Variants in NUP155 observed in about 807,000 individuals in gnomAD.
NUP155 encodes nuclear pore complex protein Nup155.
In NUP155, 71 loss-of-function variants were observed where a neutral mutation model predicts 180.4. The ratio of observed to expected loss-of-function variants is 0.39; its 90% CI spans 0.33 to 0.48. The LOEUF is 0.48. Ranked by LOEUF, NUP155 falls within the 20% of genes least tolerant of loss-of-function variation. The pLI is 0.91. For missense variants in NUP155, 1,553 were observed against 1,648.9 expected (o/e 0.94, Z 1.01); for synonymous variants, 582 against 559.5 (o/e 1.04, Z -0.57).
chr5:37,365,752 T>TATATATATATAC lies in NUP155; in HGVS notation c.158-1369_158-1368insGTATATATATAT, dbSNP rs1403169370. 3.2e-4 allele frequency among the ~76,000 whole-genome samples: 12 copies of TATATATATATAC among 37,888 alleles called. 1 individual carries two copies. The highest frequency in any genetic ancestry group is 1.2e-3 in the African/African-American group (11 of 9,232). The allele number at this position is 37,888 out of a possible 152,430, so 24.9% of individuals were successfully genotyped here. On this transcript the variant is annotated intron_variant, in intron 1 of 34. Transcript: ENST00000231498. Reference sequence around the variant, plus strand: ...AAAAAAAAAAAAATATATATATATATACACACACACACACACACACACACA... The same window carrying TATATATATATAC: ...AAAAAAAAAAAAATATATATATATATATATATATATACACACACACACACACACACACACACA...
chr5:37,310,022 A>G (rs1385911460), intron 23 of NUP155, among the ~76,000 whole-genome samples: 3 of 152,016 alleles, frequency 2.0e-5, no homozygotes, highest in African/African-American at 7.2e-5. Flanking sequence ...CTTAAAAAAA[A>G]AGAGAGAATA....
At chr5:37,340,946 C>T in intron 11 of NUP155, 144 bp downstream of exon 11, 2 of 689,252 alleles carry the variant, frequency 2.9e-6, no homozygotes, top group Non-Finnish European at 4.9e-6. Context: ...GTTTTTCAAC[C>T]CTTGCTCCCC....
At chr5:37,356,337 C>G (rs1746829372) in intron 4 of NUP155, among the ~76,000 whole-genome samples, 1 of 151,738 alleles carries the variant, frequency 6.6e-6, no homozygotes, top group Non-Finnish European at 1.5e-5. Context: ...TCTGTTCTCA[C>G]TTCCATGGGC....
At position 37,317,971 on chromosome 5, in the gene NUP155, G is replaced by A. The variant is rs759208320; in HGVS notation, c.2305+17C>T. Reference sequence around the variant, plus strand: ...CTGAGGTCATGTACGCTTAACTGATGAGAAGCAATAATTTACCATGAAACT... The same window carrying A: ...CTGAGGTCATGTACGCTTAACTGATAAGAAGCAATAATTTACCATGAAACT... On this transcript the variant is annotated intron_variant, in intron 21 of 34. Transcript: ENST00000231498. 33 of 1,437,960 alleles carry A rather than the reference G, an allele frequency of 2.3e-5. No individual in the cohort carries two copies. Among genetic ancestry groups the A allele is most frequent in the Non-Finnish European group, 3.1e-5 (32 of 1,019,278 alleles). The allele number at this position is 1,437,960 out of a possible 1,614,324, so 89.1% of individuals were successfully genotyped here. A position where few individuals can be genotyped will look rare whatever the true frequency, so the allele number is the denominator to read the frequency against.
intron 10 of NUP155, among the ~76,000 whole-genome samples, chr5:37,342,141 T>C (rs1302895905): frequency 1.3e-5 from 2 of 152,084 alleles, no homozygotes; most frequent in Non-Finnish European, 2.9e-5. Flanking sequence ...TGGGCTCAAG[T>C]GATCTTTCCA....
chr5:37,316,758 C>G (rs974265888), intron 21 of NUP155, among the ~76,000 whole-genome samples: 1 of 151,800 alleles, frequency 6.6e-6, no homozygotes, highest in African/African-American at 2.4e-5. Context: ...AGCCACTGCG[C>G]CCAGCCCAGA....
chr5:37,319,789 T>C (rs1250124179), intron 20 of NUP155, among the ~76,000 whole-genome samples: 1 of 152,092 alleles, frequency 6.6e-6, no homozygotes, highest in Non-Finnish European at 1.5e-5. Context: ...GAGGATCACT[T>C]GAAGCTGGGA....
chr5:37,352,684 A>G, intron 5 of NUP155, 53 bp downstream of exon 5: 1 of 1,156,942 alleles, frequency 8.6e-7, no homozygotes, highest in East Asian at 2.4e-5. Context: ...CTGTAATATC[A>G]ATTGGCCAAA....
Position 37,327,639 on chromosome 5 carries a change from G to T in NUP155, c.2014C>A (p.Arg672=). Residue 672 remains arginine (R), a synonymous_variant, in exon 18 of 35, where the codon CGG becomes AGG. Transcript: ENST00000231498. ...TCATGACAAACTTACCCCATGATCCGAGAAAAGTAAATGCAAATACCATTG... is the reference window on the plus strand; with the variant it reads ...TCATGACAAACTTACCCCATGATCCTAGAAAAGTAAATGCAAATACCATTG... ...KHNGICIYFS[R]IMGNIWDASL... 1 of 1,613,996 alleles carries T rather than the reference G, an allele frequency of 6.2e-7. No homozygotes were observed.
At position 37,301,552 on chromosome 5, in the gene NUP155, T is replaced by C. The variant is rs1468997341; in HGVS notation, c.3448-2A>G. The C allele has an allele frequency of 6.4e-7, 1 of 1,566,462 alleles. No individual in the cohort carries two copies. Among genetic ancestry groups the C allele is most frequent in the South Asian group, 1.1e-5 (1 of 90,164 alleles). On this transcript the variant is annotated splice_acceptor_variant, in intron 29 of 34. Coordinates refer to ENST00000231498, the MANE Select transcript of NUP155 (RefSeq NM_153485.3). LOFTEE classifies it high-confidence loss of function. ...TATCTGAAGTTGGATCCTAGCAACC[T>C]AGTTTGGGCAGAAAACAGGATGTCT...
Position 37,291,780 on chromosome 5 carries a change from TTAAAAACATATTTCTATTA to T in NUP155, c.*101_*119del. 1 of 907,418 alleles carries T rather than the reference TTAAAAACATATTTCTATTA, an allele frequency of 1.1e-6. No homozygotes were observed. The highest frequency in any genetic ancestry group is 1.7e-6 in the Non-Finnish European group (1 of 575,302). The allele number at this position is 907,418 out of a possible 1,614,324, so 56.2% of individuals were successfully genotyped here. On this transcript the variant is annotated 3_prime_UTR_variant, in exon 35 of 35. Transcript: ENST00000231498. Reference sequence around the variant, plus strand: ...ACTATTTGTAGATATTAGCCACTTATTAAAAACATATTTCTATTAAGATTGTTCTTACATTCTTAGATTT... The same window carrying T: ...ACTATTTGTAGATATTAGCCACTTATAGATTGTTCTTACATTCTTAGATTT...
At chr5:37,360,357 C>G (rs576064081) in intron 3 of NUP155, among the ~76,000 whole-genome samples, 1 of 151,396 alleles carries the variant, frequency 6.6e-6, no homozygotes, top group African/African-American at 2.4e-5. Context: ...TGGTGGCACA[C>G]GCTTGTATTC....
At chr5:37,344,430 T>C (rs1056395155) in intron 9 of NUP155, among the ~76,000 whole-genome samples, 4 of 148,840 alleles carry the variant, frequency 2.7e-5, no homozygotes, top group Admixed American at 1.3e-4. Context: ...AGAATCTAAT[T>C]ATAAAAAAAG....
At chr5:37,325,092 GA>G (rs1380953244) in intron 19 of NUP155, among the ~76,000 whole-genome samples, 1 of 152,034 alleles carries the variant, frequency 6.6e-6, no homozygotes, top group Non-Finnish European at 1.5e-5. Context: ...CAGGGGTTAC[GA>G]TGGGCCGAGA....
At chr5:37,308,773 G>A (rs773576063) in intron 24 of NUP155, among the ~76,000 whole-genome samples, 50 of 150,970 alleles carry the variant, frequency 3.3e-4, no homozygotes, top group Non-Finnish European at 6.0e-4. Flanking sequence ...CCAGCTACCC[G>A]GGAGGCTGAG....
At chr5:37,329,129 C>T in intron 16 of NUP155, 61 bp downstream of exon 16, 2 of 1,204,262 alleles carry the variant, frequency 1.7e-6, no homozygotes. Flanking sequence ...ATAAAAATTG[C>T]TATAAAGGTT....
At chr5:37,310,489 G>T in intron 23 of NUP155, 63 bp downstream of exon 23, 1 of 1,357,260 alleles carries the variant, frequency 7.4e-7, no homozygotes. Context: ...AGTGAAACAA[G>T]ATGGTTCATC....
chr5:37,327,184 C>T (rs1744654500), intron 18 of NUP155: 2 of 182,404 alleles, frequency 1.1e-5, no homozygotes, highest in South Asian at 2.4e-4. Context: ...CTGGTTTTTA[C>T]GAGACTCCCC....
At chr5:37,355,578 T>C (rs1164421711) in intron 4 of NUP155, among the ~76,000 whole-genome samples, 1 of 133,390 alleles carries the variant, frequency 7.5e-6, no homozygotes, top group Non-Finnish European at 1.7e-5. Flanking sequence ...TATTTGTTTG[T>C]TTGTTTGTTT....
Sources: allele counts gnomAD v4.1 joint callset (sites outside exome capture counted in the v4.1 genomes callset), GRCh38; gene constraint gnomAD v4.1.1; transcripts MANE v1.5; gene names NCBI Gene and HGNC (gene_info 2026-07-23, HGNC 2026-07-21).